Variants in TRIM33 observed in about 807,000 individuals in gnomAD.
The protein encoded by TRIM33 is tripartite motif containing 33.
A neutral mutation model predicts 125.4 loss-of-function variants in TRIM33; 20 were observed. That is an observed-to-expected ratio of 0.16 (90% CI 0.11 to 0.23). The LOEUF is 0.23. Among genes scored for constraint, TRIM33 ranks in the 10% least tolerant of loss-of-function variants. TRIM33 has a pLI of 1.00. For missense variants in TRIM33, 920 were observed against 1,411.4 expected, an observed-to-expected ratio of 0.65 and a Z score of 5.58; for synonymous variants, 564 against 513.9, an observed-to-expected ratio of 1.10 and a Z score of -1.32.
At chr1:114,454,524 A>AAAAAAT (rs146462319) in intron 4 of TRIM33, among the ~76,000 whole-genome samples, 5,416 of 152,020 alleles carry the variant, frequency 0.036, 103 homozygotes, top group South Asian at 0.062. Context: ...CATCTCTACA[A>AAAAAAT]AAAAATAAAA....
intron 5 of TRIM33, among the ~76,000 whole-genome samples, chr1:114,432,342 G>A (rs949843384): frequency 1.3e-5 from 2 of 152,122 alleles, no homozygotes; most frequent in African/African-American, 4.8e-5. Flanking sequence ...TATCATTTCT[G>A]AGAAACAGTC....
At position 114,405,811 on chromosome 1, in the gene TRIM33, T is replaced by C. The variant is rs1358201929; in HGVS notation, c.2419-52A>G. 6 of 1,443,866 alleles carry C rather than the reference T, an allele frequency of 4.2e-6. No individual in the cohort carries two copies. The East Asian group carries it at 6.8e-5, about 16-fold the overall frequency. The allele number at this position is 1,443,866 out of a possible 1,614,324, so 89.4% of individuals were successfully genotyped here. On this transcript the variant is annotated intron_variant, in intron 14 of 19. Transcript: ENST00000358465. ...GAAGAATCATTTAATCTTTATTGTA[T>C]GCCATATGTGTATTTAACAGTTATG...
rs1572085350 is a variant in TRIM33, at chr1:114,463,402, T to C, written c.790+10A>G. On this transcript the variant is annotated intron_variant, in intron 3 of 19. Coordinates refer to ENST00000358465, the MANE Select transcript of TRIM33 (RefSeq NM_015906.4). ...TAATCATTGTAATGATTACAATGCA[T>C]CTATCTTACCTGAGACATCTTCTTT... 1.2e-6 allele frequency: 2 copies of C among 1,610,614 alleles called. No homozygotes were observed. Among genetic ancestry groups the C allele is most frequent in the Middle Eastern group, 3.3e-4 (2 of 6,042 alleles).
intron 14 of TRIM33, among the ~76,000 whole-genome samples, chr1:114,406,521 T>C (rs1652253040): frequency 6.6e-6 from 1 of 152,184 alleles, no homozygotes; most frequent in African/African-American, 2.4e-5. Context: ...AAAGACAAAC[T>C]TCCTATCACA....
intron 18 of TRIM33, among the ~76,000 whole-genome samples, chr1:114,398,587 T>C (rs1260002765): frequency 6.6e-6 from 1 of 152,032 alleles, no homozygotes; most frequent in Non-Finnish European, 1.5e-5. Flanking sequence ...TATGAGGATT[T>C]TGTTTTGTTT....
At chr1:114,467,663 C>G (rs1650386677) in intron 1 of TRIM33, among the ~76,000 whole-genome samples, 2 of 152,164 alleles carry the variant, frequency 1.3e-5, no homozygotes, top group South Asian at 2.1e-4. Context: ...GTCTGTGTAA[C>G]TGAAACAAAC....
At chr1:114,413,611 G>GACT (rs1652736988) in intron 11 of TRIM33, among the ~76,000 whole-genome samples, 1 of 40,822 alleles carries the variant, frequency 2.4e-5, no homozygotes, top group African/African-American at 1.0e-4. Context: ...AAAAGAAAAA[G>GACT]TCCAAAAGCA....
intron 4 of TRIM33, among the ~76,000 whole-genome samples, chr1:114,444,979 G>A (rs1376695052): frequency 6.6e-6 from 1 of 152,066 alleles, no homozygotes; most frequent in African/African-American, 2.4e-5. Context: ...CAGATAGATG[G>A]AAACTACTAA....
chr1:114,468,530 C>T (rs755528304), intron 1 of TRIM33: 7 of 400,924 alleles, frequency 1.7e-5, no homozygotes, highest in Admixed American at 3.7e-5. Flanking sequence ...ATCTAGATGA[C>T]TTGAACTTCT....
chr1:114,497,993 T>C (rs1484066620), intron 1 of TRIM33, among the ~76,000 whole-genome samples: 3 of 151,668 alleles, frequency 2.0e-5, no homozygotes, highest in East Asian at 1.9e-4. Flanking sequence ...CTGGGCACAG[T>C]GGTACACGTC....
intron 1 of TRIM33, among the ~76,000 whole-genome samples, chr1:114,474,116 G>C (rs1570620896): frequency 6.6e-6 from 1 of 152,116 alleles, no homozygotes; most frequent in Non-Finnish European, 1.5e-5. Context: ...ACCCAGGCGG[G>C]TCTCAATCTC....
intron 11 of TRIM33, among the ~76,000 whole-genome samples, chr1:114,419,974 A>G (rs1653176630): frequency 6.6e-6 from 1 of 152,190 alleles, no homozygotes; most frequent in South Asian, 2.1e-4. Context: ...AAAATATTAA[A>G]CTGCAGCCAC....
intron 4 of TRIM33, among the ~76,000 whole-genome samples, chr1:114,452,793 T>C (rs557483694): frequency 1.3e-5 from 2 of 150,502 alleles, no homozygotes; most frequent in African/African-American, 2.5e-5. Context: ...TCATAACAAT[T>C]TGGAAGGCTG....
intron 1 of TRIM33, among the ~76,000 whole-genome samples, chr1:114,488,296 A>G (rs1216665506): frequency 6.6e-6 from 1 of 152,230 alleles, no homozygotes; most frequent in Non-Finnish European, 1.5e-5. Context: ...AAACAATAAC[A>G]TATTTAAGCC....
intron 11 of TRIM33, 130 bp downstream of exon 11, chr1:114,421,306 T>C (rs954404766): frequency 1.2e-6 from 1 of 867,578 alleles, no homozygotes; most frequent in Admixed American, 2.7e-5. Flanking sequence ...TTTAGTGATT[T>C]AGACTTTACT....
At chr1:114,468,762 G>T in intron 1 of TRIM33, 1 of 383,672 alleles carries the variant, frequency 2.6e-6, no homozygotes, top group South Asian at 2.1e-5. Flanking sequence ...AGAAGATGAA[G>T]ACAGCAAAAA....
intron 15 of TRIM33, 24 bp downstream of exon 15, chr1:114,405,385 CA>C: frequency 6.4e-7 from 1 of 1,550,594 alleles, no homozygotes; most frequent in Non-Finnish European, 8.8e-7. Context: ...AAATCAACAC[CA>C]AAAATCAATT....
intron 1 of TRIM33, among the ~76,000 whole-genome samples, chr1:114,509,532 G>A (rs1178602685): frequency 6.6e-6 from 1 of 152,164 alleles, no homozygotes; most frequent in Non-Finnish European, 1.5e-5. Context: ...GAGTTTAAGA[G>A]ACTGTGAAAC....
chr1:114,416,086 T>C (rs570440238), intron 11 of TRIM33, among the ~76,000 whole-genome samples: 2 of 152,218 alleles, frequency 1.3e-5, no homozygotes, highest in South Asian at 2.1e-4. Context: ...TCTTAATACA[T>C]GGTAAGTTCT....
Sources: gnomAD v4.1 joint callset for allele counts (sites outside exome capture counted in the v4.1 genomes callset) on GRCh38, gnomAD v4.1.1 for gene constraint, MANE v1.5 for transcripts, NCBI Gene and HGNC (gene_info 2026-07-23, HGNC 2026-07-21) for gene names.